The following PRKCE variants were observed in gnomAD, a reference collection of about 807,000 sequenced individuals.
PRKCE encodes protein kinase C epsilon type.
PRKCE carries 16 observed loss-of-function variants against 85.4 expected under a neutral mutation model. The observed-to-expected ratio is 0.19, with a 90% CI of 0.13 to 0.28. The LOEUF (loss-of-function observed/expected upper bound fraction) is 0.28. PRKCE is among the 10% of genes least tolerant of loss of function. PRKCE has a pLI of 1.00. For missense variants in PRKCE, 573 were observed against 975.2 expected, an observed-to-expected ratio of 0.59 and a Z score of 5.49; for synonymous variants, 388 against 371.5, an observed-to-expected ratio of 1.04 and a Z score of -0.51.
intron 2 of PRKCE, among the ~76,000 whole-genome samples, chr2:45,933,641 T>A (rs1304843480): frequency 1.3e-5 from 2 of 151,286 alleles, no homozygotes; most frequent in Non-Finnish European, 3.0e-5. Flanking sequence ...GCACAGTTAA[T>A]TTTTTTTTGT....
intron 1 of PRKCE, among the ~76,000 whole-genome samples, chr2:45,833,404 A>G (rs1197693059): frequency 6.6e-6 from 1 of 152,212 alleles, no homozygotes; most frequent in Non-Finnish European, 1.5e-5. Flanking sequence ...TCCTCAAAAG[A>G]AAGACATGGC....
chr2:45,738,987 A>G (rs549453945), intron 1 of PRKCE, among the ~76,000 whole-genome samples: 2 of 152,338 alleles, frequency 1.3e-5, no homozygotes, highest in African/African-American at 4.8e-5. Flanking sequence ...CCAAGGATAG[A>G]TGGAAGCAAA....
rs956522176 is a variant in PRKCE, at chr2:45,776,915, A to G, written c.349-66085A>G. Reference sequence around the variant, plus strand: ...GTATCTTCTCTCAAGGAATCACCCCAGCCTTAATATGAAAGTTATCATTTT... The same window carrying G: ...GTATCTTCTCTCAAGGAATCACCCCGGCCTTAATATGAAAGTTATCATTTT... On this transcript the variant is annotated intron_variant, in intron 1 of 14. Coordinates refer to ENST00000306156, the MANE Select transcript of PRKCE (RefSeq NM_005400.3). Among the ~76,000 whole-genome samples the G allele has an allele frequency of 2.6e-5, 4 of 152,172 alleles. 1 individual carries two copies. In the South Asian group the frequency reaches 8.3e-4, roughly 32 times the overall value.
chr2:46,177,218 C>T (rs949875920), intron 14 of PRKCE, among the ~76,000 whole-genome samples: 1 of 152,182 alleles, frequency 6.6e-6, no homozygotes, highest in Non-Finnish European at 1.5e-5. Context: ...GAATTCAAGA[C>T]CAGCCAGGAC....
At chr2:46,027,340 A>G (rs866026040) in intron 10 of PRKCE, among the ~76,000 whole-genome samples, 1 of 152,132 alleles carries the variant, frequency 6.6e-6, no homozygotes, top group African/African-American at 2.4e-5. Context: ...TATCTCAAAA[A>G]AGAAAGAAAA....
intron 2 of PRKCE, among the ~76,000 whole-genome samples, chr2:45,917,166 C>A (rs975543733): frequency 6.6e-6 from 1 of 152,158 alleles, no homozygotes; most frequent in African/African-American, 2.4e-5. Context: ...CTGATTGGTG[C>A]GTTTACAATC....
chr2:46,062,122 A>AGGTGGCTTC (rs1667201790), intron 10 of PRKCE, among the ~76,000 whole-genome samples: 2 of 152,032 alleles, frequency 1.3e-5, no homozygotes, highest in African/African-American at 4.8e-5. Context: ...TCAGCCTCCC[A>AGGTGGCTTC]AAGTGCTGGG....
chr2:46,056,750 A>C (rs961283277), intron 10 of PRKCE, among the ~76,000 whole-genome samples: 1 of 152,186 alleles, frequency 6.6e-6, no homozygotes, highest in Non-Finnish European at 1.5e-5. Context: ...GCAGGGCTGA[A>C]ATTCTCTTCT....
intron 11 of PRKCE, among the ~76,000 whole-genome samples, chr2:46,130,461 C>A (rs141278660): frequency 6.6e-6 from 1 of 152,086 alleles, no homozygotes; most frequent in African/African-American, 2.4e-5. Context: ...ATGTTGTCTG[C>A]GTACAGTCTC....
At chr2:45,902,518 A>G (rs1306077866) in intron 2 of PRKCE, among the ~76,000 whole-genome samples, 1 of 152,178 alleles carries the variant, frequency 6.6e-6, no homozygotes, top group East Asian at 1.9e-4. Context: ...TTGGATTAAC[A>G]TCCTGAGGAC....
intron 1 of PRKCE, among the ~76,000 whole-genome samples, chr2:45,710,340 A>T (rs1679516893): frequency 6.6e-6 from 1 of 152,228 alleles, no homozygotes; most frequent in Non-Finnish European, 1.5e-5. Flanking sequence ...GTCTGGCTTC[A>T]AAGTCCATAC....
At chr2:45,839,903 G>T (rs1394878074) in intron 1 of PRKCE, among the ~76,000 whole-genome samples, 1 of 152,188 alleles carries the variant, frequency 6.6e-6, no homozygotes, top group Non-Finnish European at 1.5e-5. Context: ...CTATTTTTCT[G>T]TTTGGAAATG....
chr2:46,125,806 T>G (rs1673791154), intron 11 of PRKCE, among the ~76,000 whole-genome samples: 1 of 152,210 alleles, frequency 6.6e-6, no homozygotes, highest in Non-Finnish European at 1.5e-5. Context: ...CATATTAGAA[T>G]TAAATAAGCA....
chr2:45,979,945 A>C (rs2104559259), intron 4 of PRKCE, among the ~76,000 whole-genome samples: 1 of 152,214 alleles, frequency 6.6e-6, no homozygotes, highest in East Asian at 1.9e-4. Context: ...AGGCCACTAC[A>C]ACACCTTTAA....
intron 1 of PRKCE, among the ~76,000 whole-genome samples, chr2:45,826,669 C>T (rs1003766423): frequency 6.6e-6 from 1 of 152,100 alleles, no homozygotes; most frequent in Non-Finnish European, 1.5e-5. Context: ...CCGACATGGC[C>T]AGTGCAAACC....
intron 10 of PRKCE, among the ~76,000 whole-genome samples, chr2:46,082,870 A>G (rs1426343930): frequency 6.6e-6 from 1 of 152,244 alleles, no homozygotes; most frequent in Admixed American, 6.5e-5. Context: ...GTCATAGCCA[A>G]TCTTCATTTT....
chr2:45,910,989 G>A (rs1297281655), intron 2 of PRKCE, among the ~76,000 whole-genome samples: 1 of 152,168 alleles, frequency 6.6e-6, no homozygotes, highest in African/African-American at 2.4e-5. Flanking sequence ...AGGGCAAGAA[G>A]GGATGCTGAT....
chr2:45,919,482 GT>G (rs768052955), intron 2 of PRKCE, among the ~76,000 whole-genome samples: 1 of 152,240 alleles, frequency 6.6e-6, no homozygotes, highest in Non-Finnish European at 1.5e-5. Context: ...TTTATGCCTT[GT>G]CTTGGGGTTG....
intron 11 of PRKCE, among the ~76,000 whole-genome samples, chr2:46,089,227 C>T (rs535128269): frequency 1.4e-4 from 21 of 152,296 alleles, no homozygotes; most frequent in Admixed American, 5.2e-4. Flanking sequence ...TTTCAACCTT[C>T]GCATGGCTTC....
Sources: gnomAD v4.1 joint callset for allele counts (sites outside exome capture counted in the v4.1 genomes callset) on GRCh38, gnomAD v4.1.1 for gene constraint, MANE v1.5 for transcripts, NCBI Gene and HGNC (gene_info 2026-07-23, HGNC 2026-07-21) for gene names.